Variants in ADGRV1 observed in about 807,000 individuals in gnomAD.
The protein encoded by ADGRV1 is adhesion G protein-coupled receptor V1.
ADGRV1 carries 359 observed loss-of-function variants against 596.2 expected under a neutral mutation model. The observed-to-expected ratio is 0.60, with a 90% CI of 0.55 to 0.66. The LOEUF is 0.66. Among genes scored for constraint, ADGRV1 ranks in the 30% least tolerant of loss-of-function variants. The pLI is 0.00. For synonymous variants in ADGRV1, 2,681 were observed against 2,679.2 expected (o/e 1.00, Z -0.02); for missense variants, 7,274 against 7,575.6 (o/e 0.96, Z 1.48).
At chr5:91,031,669 A>T (rs1015971966) in intron 85 of ADGRV1, among the ~76,000 whole-genome samples, 3 of 152,184 alleles carry the variant, frequency 2.0e-5, no homozygotes, top group Non-Finnish European at 4.4e-5. Context: ...TTATTTTCTG[A>T]TACCTGAGGT....
intron 84 of ADGRV1, among the ~76,000 whole-genome samples, chr5:90,982,660 C>T (rs1243849542): frequency 2.6e-5 from 4 of 152,222 alleles, no homozygotes; most frequent in African/African-American, 4.8e-5. Context: ...CTCATGGCTA[C>T]GCCCTTTCTA....
At chr5:90,888,908 C>G (rs1291183809) in intron 83 of ADGRV1, among the ~76,000 whole-genome samples, 1 of 152,096 alleles carries the variant, frequency 6.6e-6, no homozygotes, top group East Asian at 1.9e-4. Context: ...AATCCTCTGT[C>G]TACTATTTTT....
chr5:91,108,076 G>A (rs887050303), intron 87 of ADGRV1, among the ~76,000 whole-genome samples: 6 of 152,184 alleles, frequency 3.9e-5, no homozygotes, highest in Admixed American at 3.3e-4. Context: ...ACTGTTGGTT[G>A]TTACCTGGCG....
chr5:90,960,193 G>A (rs771882059), intron 83 of ADGRV1, among the ~76,000 whole-genome samples: 6 of 151,750 alleles, frequency 4.0e-5, no homozygotes, highest in Non-Finnish European at 8.8e-5. Flanking sequence ...GGTAGGGGTG[G>A]TGGTGGTGCA....
intron 70 of ADGRV1, among the ~76,000 whole-genome samples, chr5:90,802,476 C>T (rs190923971): frequency 3.1e-4 from 47 of 152,198 alleles, no homozygotes; most frequent in Non-Finnish European, 5.0e-4. Context: ...AGTGATCCAC[C>T]CGCCTGGGCC....
At chr5:90,986,653 CT>C (rs917481837) in intron 85 of ADGRV1, among the ~76,000 whole-genome samples, 1 of 144,864 alleles carries the variant, frequency 6.9e-6, no homozygotes, top group Non-Finnish European at 1.5e-5. Context: ...AAAAGACTCC[CT>C]AATACTGATT....
chr5:90,820,529 G>A (rs1763380397), intron 75 of ADGRV1, among the ~76,000 whole-genome samples: 1 of 151,894 alleles, frequency 6.6e-6, no homozygotes, highest in Admixed American at 6.6e-5. Flanking sequence ...TTTACATTTT[G>A]GCATGATTTT....
chr5:90,938,906 T>C (rs992960550), intron 83 of ADGRV1, among the ~76,000 whole-genome samples: 2 of 152,200 alleles, frequency 1.3e-5, no homozygotes, highest in African/African-American at 4.8e-5. Context: ...TTTATTCTTA[T>C]TACATTTCTA....
At chr5:90,608,289 T>G (rs2152037136) in intron 1 of ADGRV1, among the ~76,000 whole-genome samples, 1 of 152,180 alleles carries the variant, frequency 6.6e-6, no homozygotes, top group Middle Eastern at 3.4e-3. Context: ...TTTGTCCGTT[T>G]GAAGGTTATG....
intron 86 of ADGRV1, among the ~76,000 whole-genome samples, chr5:91,088,941 C>T (rs1274864775): frequency 6.6e-6 from 1 of 152,136 alleles, no homozygotes; most frequent in Admixed American, 6.5e-5. Flanking sequence ...AGAGTATATA[C>T]ATAGCATTCA....
chr5:90,600,729 C>G (rs771358003), intron 1 of ADGRV1, among the ~76,000 whole-genome samples: 3 of 152,166 alleles, frequency 2.0e-5, no homozygotes, highest in Non-Finnish European at 4.4e-5. Context: ...GGAATTGCCA[C>G]ATATTTAGCC....
At chr5:90,783,419 T>G in intron 66 of ADGRV1, 94 bp downstream of exon 66, 18 of 873,844 alleles carry the variant, frequency 2.1e-5, no homozygotes, top group Non-Finnish European at 3.3e-5. Flanking sequence ...GAACTTTAGA[T>G]AATATGTGTC....
At chr5:91,122,877 A>G (rs1345062515) in intron 87 of ADGRV1, among the ~76,000 whole-genome samples, 1 of 152,202 alleles carries the variant, frequency 6.6e-6, no homozygotes. Context: ...AAGATTTCAC[A>G]CTGCTAGTGT....
chr5:90,956,424 A>G (rs1042633791), intron 83 of ADGRV1, among the ~76,000 whole-genome samples: 1 of 152,222 alleles, frequency 6.6e-6, no homozygotes, highest in Admixed American at 6.5e-5. Flanking sequence ...CCATCAGTAA[A>G]GTAGTAGAAT....
intron 5 of ADGRV1, 131 bp downstream of exon 5, chr5:90,622,832 C>A: frequency 5.4e-6 from 2 of 367,872 alleles, no homozygotes. Flanking sequence ...CCTCTGCCTC[C>A]CAGGTTCAAG....
At chr5:91,136,049 G>A (rs1223006787) in intron 87 of ADGRV1, among the ~76,000 whole-genome samples, 2 of 152,164 alleles carry the variant, frequency 1.3e-5, no homozygotes, top group East Asian at 3.8e-4. Context: ...GGTTCAGTAT[G>A]CTTGGAGTGG....
intron 84 of ADGRV1, among the ~76,000 whole-genome samples, chr5:90,969,792 C>T (rs549873299): frequency 5.3e-4 from 80 of 152,304 alleles, no homozygotes; most frequent in Non-Finnish European, 9.1e-4. Flanking sequence ...CAGCTCCTAG[C>T]GTGAGCAACA....
intron 53 of ADGRV1, among the ~76,000 whole-genome samples, chr5:90,753,339 G>C (rs1322236637): frequency 7.2e-6 from 1 of 137,940 alleles, no homozygotes; most frequent in African/African-American, 2.4e-5. Flanking sequence ...TTGACAATTT[G>C]GCTGCATTTT....
Position 90,689,864 on chromosome 5 carries a change from A to G in ADGRV1, c.6494A>G (p.Glu2165Gly). 6.2e-7 allele frequency: 1 copy of G among 1,610,110 alleles called. No homozygotes were observed. ...KAVPITAIAG[E>G]DYSIASSDVV... ...ATTTTACTTTTGGTCTTTTCAGGTGAAGATTATAGTATAGCTTCATCAGAT... is the reference window on the plus strand; with the variant it reads ...ATTTTACTTTTGGTCTTTTCAGGTGGAGATTATAGTATAGCTTCATCAGAT... The change falls in exon 30 of 90, where the codon GAA (glutamate) becomes GGA (glycine). Residue 2165 changes from glutamate to glycine, a missense_variant. Physicochemically the swap from Glu to Gly is moderately conservative, Grantham distance 98 (BLOSUM62 -2). Coordinates refer to ENST00000405460, the MANE Select transcript of ADGRV1 (RefSeq NM_032119.4).
Sources: allele counts gnomAD v4.1 joint callset (sites outside exome capture counted in the v4.1 genomes callset), GRCh38; gene constraint gnomAD v4.1.1; transcripts MANE v1.5; gene names NCBI Gene and HGNC (gene_info 2026-07-23, HGNC 2026-07-21).